The following USP12 variants were observed in gnomAD, a reference collection of about 807,000 sequenced individuals.
USP12 encodes the protein ubiquitin carboxyl-terminal hydrolase 12.
Under a neutral mutation model 45.5 loss-of-function variants are expected in USP12, and 19 were observed. The observed-to-expected ratio is 0.42, with a 90% confidence interval of 0.29 to 0.61. The LOEUF (loss-of-function observed/expected upper bound fraction) is 0.61. USP12 is among the 20% of genes least tolerant of loss of function. The pLI, the probability that USP12 is intolerant of heterozygous loss-of-function variation, is 0.22. For synonymous variants in USP12, 149 were observed against 148.8 expected (o/e 1.00, Z -0.01); for missense variants, 242 against 447.7 (o/e 0.54, Z 4.15).
intron 1 of USP12, among the ~76,000 whole-genome samples, chr13:27,161,795 T>C (rs563290815): frequency 3.3e-5 from 5 of 151,784 alleles, no homozygotes; most frequent in South Asian, 2.1e-4. Context: ...GGCAGGAGGA[T>C]AGCTTGAGCC....
rs1364018754 is a variant in USP12 at position 27,159,664 on chromosome 13, T to C, written c.48+11928A>G. Among the ~76,000 whole-genome samples, 8 of 152,222 alleles carry C rather than the reference T, an allele frequency of 5.3e-5. No homozygotes were observed. In the East Asian group the frequency reaches 1.5e-3, roughly 29 times the overall value. On this transcript the variant is annotated intron_variant, in intron 1 of 8. Coordinates refer to ENST00000282344, the MANE Select transcript of USP12 (RefSeq NM_182488.4). ...TCAAACTTTCCTACACCTTTATTTT[T>C]TATCATTGTGAGATCTGAATCTGTG... is the stretch of plus-strand genomic sequence containing the variant.
rs898546086 is a variant in USP12 at position 27,070,950 on chromosome 13, T to C, written c.1011+121A>G. The C allele has an allele frequency of 6.2e-6, 5 of 809,528 alleles. No individual in the cohort carries two copies. In the African/African-American group the frequency reaches 7.0e-5, roughly 11 times the overall value. 50.1% of individuals were successfully genotyped at this position (809,528 alleles called of 1,614,324 possible). On this transcript the variant is annotated intron_variant, in intron 8 of 8. Transcript: ENST00000282344. ...GAAGTAGGAATTAGACTACAATCTA[T>C]AGACCCAGACATTTGTCTCATATCA...
chr13:27,105,014 G>A (rs1046029307), intron 3 of USP12, among the ~76,000 whole-genome samples: 6 of 152,198 alleles, frequency 3.9e-5, no homozygotes, highest in African/African-American at 1.4e-4. Context: ...ATATCAGGGA[G>A]AAGTAAGTTT....
chr13:27,148,687 T>TATATA (rs950585889), intron 1 of USP12, among the ~76,000 whole-genome samples: 2 of 145,242 alleles, frequency 1.4e-5, no homozygotes, highest in Non-Finnish European at 3.0e-5. Context: ...TATATATATA[T>TATATA]ATATAATATA....
chr13:27,138,797 C>T (rs923899725), intron 1 of USP12, among the ~76,000 whole-genome samples: 8 of 152,086 alleles, frequency 5.3e-5, no homozygotes, highest in African/African-American at 1.9e-4. Context: ...ACTATTACTC[C>T]CTTTGAGTTT....
chr13:27,138,337 A>C (rs1229837557), intron 1 of USP12, among the ~76,000 whole-genome samples: 1 of 152,228 alleles, frequency 6.6e-6, no homozygotes, highest in East Asian at 1.9e-4. Flanking sequence ...TTTAACAAAG[A>C]TGTATGAACA....
chr13:27,084,514 AAAAG>A (rs1339277514), intron 6 of USP12, among the ~76,000 whole-genome samples: 1 of 151,902 alleles, frequency 6.6e-6, no homozygotes, highest in South Asian at 2.1e-4. Flanking sequence ...AAAAAAAAAA[AAAAG>A]AGTTCTATAG....
intron 6 of USP12, among the ~76,000 whole-genome samples, chr13:27,075,956 G>T (rs1357269358): frequency 2.0e-5 from 3 of 151,132 alleles, no homozygotes; most frequent in African/African-American, 7.3e-5. Context: ...CTTGAACCCA[G>T]GAGGCGGAGG....
chr13:27,159,421 T>C (rs1456014219), intron 1 of USP12, among the ~76,000 whole-genome samples: 1 of 152,230 alleles, frequency 6.6e-6, no homozygotes, highest in East Asian at 1.9e-4. Flanking sequence ...ACCATTCCAT[T>C]TGCATCAGGC....
intron 6 of USP12, among the ~76,000 whole-genome samples, chr13:27,086,003 A>G (rs1383640200): frequency 2.6e-5 from 4 of 151,544 alleles, no homozygotes; most frequent in Non-Finnish European, 5.9e-5. Flanking sequence ...CCGTCTATAA[A>G]AAATAAAATT....
At chr13:27,148,046 T>C (rs1206623965) in intron 1 of USP12, among the ~76,000 whole-genome samples, 4 of 151,940 alleles carry the variant, frequency 2.6e-5, no homozygotes, top group East Asian at 1.9e-4. Context: ...GGAGAACCAC[T>C]TGGGCCCAAG....
intron 3 of USP12, among the ~76,000 whole-genome samples, chr13:27,098,994 G>A (rs1874728905): frequency 6.6e-6 from 1 of 152,198 alleles, no homozygotes; most frequent in Admixed American, 6.5e-5. Flanking sequence ...AGCACTTTGT[G>A]AGTCTGAGGG....
chr13:27,126,950 A>G (rs1191962304), intron 1 of USP12, among the ~76,000 whole-genome samples: 3 of 152,124 alleles, frequency 2.0e-5, no homozygotes, highest in Admixed American at 2.0e-4. Flanking sequence ...CCCAACTACA[A>G]TGCCATCTAT....
intron 1 of USP12, among the ~76,000 whole-genome samples, chr13:27,139,000 G>A (rs927249391): frequency 1.3e-5 from 2 of 152,046 alleles, no homozygotes; most frequent in Admixed American, 6.5e-5. Context: ...CCTTACAATC[G>A]CATCCTATAT....
intron 6 of USP12, among the ~76,000 whole-genome samples, chr13:27,076,719 T>C (rs192626046): frequency 3.3e-5 from 5 of 152,282 alleles, no homozygotes; most frequent in African/African-American, 1.2e-4. Context: ...AGAAGTGATA[T>C]ATGGTAAGCC....
chr13:27,125,874 G>C (rs957636909), intron 1 of USP12, among the ~76,000 whole-genome samples: 6 of 152,254 alleles, frequency 3.9e-5, no homozygotes, highest in African/African-American at 1.4e-4. Flanking sequence ...GTTTGAGATT[G>C]ACCTGGGACG....
chr13:27,166,530 G>A (rs1292327307), intron 1 of USP12, among the ~76,000 whole-genome samples: 1 of 152,174 alleles, frequency 6.6e-6, no homozygotes, highest in Non-Finnish European at 1.5e-5. Context: ...CATGGATCAT[G>A]GTAGGGCAGA....
At chr13:27,159,819 T>C (rs1485905963) in intron 1 of USP12, among the ~76,000 whole-genome samples, 2 of 152,192 alleles carry the variant, frequency 1.3e-5, no homozygotes. Context: ...ACCTAAGTCA[T>C]CATTAACATA....
At chr13:27,125,550 C>T (rs954290642) in intron 1 of USP12, among the ~76,000 whole-genome samples, 3 of 152,112 alleles carry the variant, frequency 2.0e-5, no homozygotes, top group African/African-American at 4.8e-5. Flanking sequence ...ATGCAGAAGG[C>T]GGGTGATTTC....
Sources: allele counts gnomAD v4.1 joint callset (sites outside exome capture counted in the v4.1 genomes callset), GRCh38; gene constraint gnomAD v4.1.1; transcripts MANE v1.5; gene names NCBI Gene and HGNC (gene_info 2026-07-23, HGNC 2026-07-21).